Variants in SLC22A25 observed in about 807,000 individuals in gnomAD.
SLC22A25 encodes the protein solute carrier family 22 member 25.
A neutral mutation model predicts 45.9 loss-of-function variants in SLC22A25; 44 were observed. That is an observed-to-expected ratio of 0.96 (90% confidence interval 0.75 to 1.23). The LOEUF (loss-of-function observed/expected upper bound fraction) is 1.23, where lower values mean the gene tolerates loss of function less well. SLC22A25 is among the 50% of genes most tolerant of loss of function. SLC22A25 has a pLI of 0.00. For synonymous variants in SLC22A25, 283 were observed against 238.6 expected, an observed-to-expected ratio of 1.19 and a Z score of -1.72; for missense variants, 800 against 666.4, an observed-to-expected ratio of 1.20 and a Z score of -2.21.
rs1307495879 is a variant in SLC22A25, at chr11:63,188,221, G to T, written c.831-4404C>A. 4.6e-5 allele frequency among the ~76,000 whole-genome samples: 7 copies of T among 152,178 alleles called. No homozygotes were observed. In the East Asian group the frequency reaches 1.3e-3, roughly 29 times the overall value. ...GCTATTGATTATTGCCTTAATTTCA[G>T]AGCCTGTTATTGGTCTATTCAGAGA... is the stretch of plus-strand genomic sequence containing the variant. On this transcript the variant is annotated intron_variant, in intron 7 of 11. Coordinates refer to ENST00000306494, the MANE Select transcript of SLC22A25 (RefSeq NM_199352.6).
At chr11:63,205,334 C>T (rs192537666) in intron 7 of SLC22A25, among the ~76,000 whole-genome samples, 1 of 151,826 alleles carries the variant, frequency 6.6e-6, no homozygotes, top group Non-Finnish European at 1.5e-5. Flanking sequence ...AGAGATAGAA[C>T]CATGAAAACC....
chr11:63,175,071 T>G (rs1175572128), intron 9 of SLC22A25, among the ~76,000 whole-genome samples: 9 of 152,146 alleles, frequency 5.9e-5, no homozygotes. Flanking sequence ...TTATGAATAA[T>G]GTTGCAATGA....
At chr11:63,237,399 T>A (rs574171276) in intron 3 of SLC22A25, among the ~76,000 whole-genome samples, 4 of 152,186 alleles carry the variant, frequency 2.6e-5, no homozygotes, top group East Asian at 1.9e-4. Context: ...CAGGAGGGGA[T>A]CCTGATGATA....
intron 9 of SLC22A25, 74 bp from the exon 10 acceptor site, chr11:63,166,332 C>A: frequency 6.5e-7 from 1 of 1,547,046 alleles, no homozygotes; most frequent in Non-Finnish European, 8.7e-7. Flanking sequence ...ATAATATTGG[C>A]CCAGGTAGCC....
intron 7 of SLC22A25, chr11:63,208,209 A>G (rs2089461261): frequency 6.6e-6 from 1 of 152,344 alleles, no homozygotes; most frequent in Admixed American, 6.5e-5. Context: ...CTCTTCCCCC[A>G]TCCTGGCAGC....
chr11:63,203,556 C>T (rs1199653362), intron 7 of SLC22A25, among the ~76,000 whole-genome samples: 1 of 151,518 alleles, frequency 6.6e-6, no homozygotes, highest in Admixed American at 6.6e-5. Flanking sequence ...GAAAGTATAT[C>T]AGAGATTGAA....
At chr11:63,166,315 AATGAGAATAAT>A (rs1430881009) in intron 9 of SLC22A25, 57 bp from the exon 10 acceptor site, 31 of 1,583,854 alleles carry the variant, frequency 2.0e-5, no homozygotes, top group Non-Finnish European at 2.7e-5. Flanking sequence ...AAATCCTACA[AATGAGAATAAT>A]ATTGGCCCAG....
chr11:63,219,954 T>G (rs55885734), intron 5 of SLC22A25: 32,623 of 1,289,262 alleles, frequency 0.025, 506 homozygotes, highest in Middle Eastern at 0.056. Context: ...TGCTGGTGGA[T>G]GGCAATGGGC....
intron 3 of SLC22A25, among the ~76,000 whole-genome samples, chr11:63,233,960 T>G (rs1297300269): frequency 6.6e-6 from 1 of 152,230 alleles, no homozygotes; most frequent in Non-Finnish European, 1.5e-5. Flanking sequence ...GTGAGTTTCT[T>G]AATCCTGAGT....
intron 5 of SLC22A25, among the ~76,000 whole-genome samples, chr11:63,219,484 G>C (rs1489553669): frequency 1.3e-5 from 2 of 152,144 alleles, no homozygotes; most frequent in Non-Finnish European, 2.9e-5. Context: ...TACAGAGTAA[G>C]TTCTTCATTC....
At chr11:63,185,917 C>T (rs1590815504) in intron 7 of SLC22A25, among the ~76,000 whole-genome samples, 1 of 150,960 alleles carries the variant, frequency 6.6e-6, no homozygotes, top group East Asian at 1.9e-4. Flanking sequence ...TGTATATGTG[C>T]CACATTTTCT....
At chr11:63,235,592 T>A (rs568741440) in intron 3 of SLC22A25, among the ~76,000 whole-genome samples, 2 of 152,214 alleles carry the variant, frequency 1.3e-5, no homozygotes, top group Non-Finnish European at 2.9e-5. Context: ...GGTTTAAACT[T>A]CCTCCTTTAG....
chr11:63,171,784 T>C (rs2087895802), intron 9 of SLC22A25, among the ~76,000 whole-genome samples: 1 of 152,208 alleles, frequency 6.6e-6, no homozygotes, highest in East Asian at 1.9e-4. Flanking sequence ...ATTGACTTTT[T>C]TTGCAGAACT....
chr11:63,183,639 T>C, intron 8 of SLC22A25, 55 bp downstream of exon 8: 1 of 1,608,094 alleles, frequency 6.2e-7, no homozygotes, highest in Non-Finnish European at 8.5e-7. Flanking sequence ...CCAACAAGTA[T>C]AGATGACAAT....
intron 8 of SLC22A25, 62 bp from the exon 9 acceptor site, chr11:63,180,837 G>GGA: frequency 8.2e-7 from 1 of 1,221,094 alleles, no homozygotes; most frequent in Non-Finnish European, 1.2e-6. Context: ...CATTGTAAGA[G>GGA]GACTTGTCAA....
chr11:63,173,777 G>T (rs1392863259), intron 9 of SLC22A25, among the ~76,000 whole-genome samples: 2 of 152,008 alleles, frequency 1.3e-5, no homozygotes, highest in African/African-American at 4.8e-5. Context: ...GTGATCTGGT[G>T]ATCCTTACCC....
intron 7 of SLC22A25, chr11:63,208,193 G>A (rs1271360915): frequency 6.6e-6 from 1 of 152,380 alleles, no homozygotes; most frequent in Non-Finnish European, 1.5e-5. Context: ...CCTGGATGGA[G>A]ACTGGCTCTT....
intron 3 of SLC22A25, among the ~76,000 whole-genome samples, chr11:63,236,016 A>G (rs1162963410): frequency 6.6e-6 from 1 of 152,118 alleles, no homozygotes; most frequent in Non-Finnish European, 1.5e-5. Context: ...TTTGTCTCAG[A>G]GGAGTACCCA....
chr11:63,230,673 T>G (rs1448740668), intron 3 of SLC22A25, among the ~76,000 whole-genome samples: 1 of 152,226 alleles, frequency 6.6e-6, no homozygotes, highest in African/African-American at 2.4e-5. Context: ...TATTATACTT[T>G]AAGATCTAGG....
Sources: allele counts gnomAD v4.1 joint callset (sites outside exome capture counted in the v4.1 genomes callset), GRCh38; gene constraint gnomAD v4.1.1; transcripts MANE v1.5; gene names NCBI Gene and HGNC (gene_info 2026-07-23, HGNC 2026-07-21).